The following ANKS1B variants were observed in gnomAD, a reference collection of about 807,000 sequenced individuals.
ANKS1B encodes ankyrin repeat and sterile alpha motif domain-containing protein 1B.
A neutral mutation model predicts 148.3 loss-of-function variants in ANKS1B; 36 were observed. The observed-to-expected ratio is 0.24, with a 90% CI of 0.19 to 0.32. The LOEUF is 0.32. Ranked by LOEUF, ANKS1B falls within the 10% of genes least tolerant of loss-of-function variation. The probability of loss-of-function intolerance (pLI) is 1.00; values close to 1 mark genes in which losing one functional copy is unlikely to be tolerated. For synonymous variants in ANKS1B, 542 were observed against 560.8 expected (o/e 0.97, Z 0.47); for missense variants, 1,157 against 1,542.6 (o/e 0.75, Z 4.19).
chr12:99,350,338 T>C (rs1022524860), intron 12 of ANKS1B, among the ~76,000 whole-genome samples: 4 of 151,944 alleles, frequency 2.6e-5, no homozygotes, highest in Non-Finnish European at 5.9e-5. Flanking sequence ...CAGGCTCAGG[T>C]ATTTTTTTTA....
At chr12:99,024,028 C>T (rs961442581) in intron 17 of ANKS1B, among the ~76,000 whole-genome samples, 8 of 150,876 alleles carry the variant, frequency 5.3e-5, no homozygotes, top group Admixed American at 2.0e-4. Flanking sequence ...CTTGCAGTGC[C>T]GAGAATTGAG....
chr12:99,429,065 T>C (rs759170218), intron 11 of ANKS1B, among the ~76,000 whole-genome samples: 41 of 152,258 alleles, frequency 2.7e-4, no homozygotes, highest in Non-Finnish European at 4.9e-4. Context: ...CACAAGTAAA[T>C]TGAACGTTTT....
intron 12 of ANKS1B, among the ~76,000 whole-genome samples, chr12:99,360,942 G>C (rs962247147): frequency 4.6e-5 from 7 of 152,042 alleles, no homozygotes; most frequent in African/African-American, 1.4e-4. Flanking sequence ...CTAGAAGGAT[G>C]GTTACCAGAG....
intron 4 of ANKS1B, among the ~76,000 whole-genome samples, chr12:99,783,754 A>G (rs2064643256): frequency 6.6e-6 from 1 of 152,034 alleles, no homozygotes; most frequent in Non-Finnish European, 1.5e-5. Context: ...GGATAGGGAG[A>G]GGTTGGTGAT....
chr12:99,367,526 T>C (rs570329093), intron 12 of ANKS1B, among the ~76,000 whole-genome samples: 1 of 152,186 alleles, frequency 6.6e-6, no homozygotes, highest in African/African-American at 2.4e-5. Flanking sequence ...ACCCCACTTC[T>C]ATGAATATTC....
chr12:99,109,240 A>C (rs180787339), intron 15 of ANKS1B, among the ~76,000 whole-genome samples: 41 of 152,152 alleles, frequency 2.7e-4, no homozygotes, highest in Non-Finnish European at 4.0e-4. Flanking sequence ...TTAAATGACA[A>C]AGGAAGTTAA....
chr12:99,015,067 T>C (rs111639279), intron 17 of ANKS1B, among the ~76,000 whole-genome samples: 2,931 of 151,856 alleles, frequency 0.019, 41 homozygotes, highest in Middle Eastern at 0.037. Flanking sequence ...CACGTGCACG[T>C]TGCATGTGTA....
At chr12:99,385,557 G>A (rs573548772) in intron 12 of ANKS1B, among the ~76,000 whole-genome samples, 308 of 152,286 alleles carry the variant, frequency 2.0e-3, no homozygotes, top group African/African-American at 7.2e-3. Context: ...AATGATTCAG[G>A]TTCACTTCAA....
At chr12:99,216,229 C>T (rs957551423) in intron 14 of ANKS1B, among the ~76,000 whole-genome samples, 3 of 152,150 alleles carry the variant, frequency 2.0e-5, no homozygotes, top group Non-Finnish European at 4.4e-5. Context: ...TCCATTAAAC[C>T]TCTTTTTCTT....
chr12:99,061,524 T>C (rs2153560421), intron 16 of ANKS1B, among the ~76,000 whole-genome samples: 1 of 152,366 alleles, frequency 6.6e-6, no homozygotes, highest in South Asian at 2.1e-4. Flanking sequence ...TGAGTAGTAG[T>C]GCTTTGGAGG....
chr12:99,543,586 T>C (rs1179526528), intron 9 of ANKS1B, among the ~76,000 whole-genome samples: 7 of 152,018 alleles, frequency 4.6e-5, no homozygotes, highest in Admixed American at 2.6e-4. Context: ...TGCCTACCAA[T>C]TGATGAATGG....
chr12:98,939,278 C>T (rs1218531600), intron 17 of ANKS1B, among the ~76,000 whole-genome samples: 1 of 152,216 alleles, frequency 6.6e-6, no homozygotes, highest in East Asian at 1.9e-4. Context: ...TAATTTGCAT[C>T]ATGGATATCA....
chr12:98,766,360 G>A (rs1253808303), intron 25 of ANKS1B, among the ~76,000 whole-genome samples: 2 of 152,190 alleles, frequency 1.3e-5, no homozygotes, highest in South Asian at 4.1e-4. Context: ...GCTCCTCTTA[G>A]GAGCTGCGTC....
chr12:99,372,189 G>A (rs1040156770), intron 12 of ANKS1B, among the ~76,000 whole-genome samples: 1 of 152,064 alleles, frequency 6.6e-6, no homozygotes, highest in Non-Finnish European at 1.5e-5. Flanking sequence ...CCACTCTAGT[G>A]GGGGATGTTC....
chr12:99,594,968 T>C (rs546341695), intron 9 of ANKS1B, among the ~76,000 whole-genome samples: 4 of 152,018 alleles, frequency 2.6e-5, no homozygotes, highest in Non-Finnish European at 4.4e-5. Flanking sequence ...TCTAATCTTT[T>C]ACATAAGGTC....
At chr12:99,916,076 TA>T (rs1312415327) in intron 1 of ANKS1B, among the ~76,000 whole-genome samples, 1 of 152,204 alleles carries the variant, frequency 6.6e-6, no homozygotes, top group African/African-American at 2.4e-5. Context: ...GACAAGTAGT[TA>T]ATAAGGTTAA....
intron 9 of ANKS1B, among the ~76,000 whole-genome samples, chr12:99,519,293 A>G (rs1166581976): frequency 6.6e-6 from 1 of 152,084 alleles, no homozygotes; most frequent in Non-Finnish European, 1.5e-5. Flanking sequence ...CTGTTTGAAG[A>G]TCTGTCCAAT....
At chr12:99,250,465 T>C (rs2074435494) in intron 12 of ANKS1B, among the ~76,000 whole-genome samples, 1 of 152,174 alleles carries the variant, frequency 6.6e-6, no homozygotes, top group African/African-American at 2.4e-5. Context: ...TAAAAAGACA[T>C]GGTTAATACA....
chr12:99,543,873 T>C (rs1397309407), intron 9 of ANKS1B, among the ~76,000 whole-genome samples: 1 of 152,080 alleles, frequency 6.6e-6, no homozygotes, highest in Non-Finnish European at 1.5e-5. Context: ...CCGAAGCTAA[T>C]AAGACATGAG....
Sources: allele counts gnomAD v4.1 joint callset (sites outside exome capture counted in the v4.1 genomes callset), GRCh38; gene constraint gnomAD v4.1.1; transcripts MANE v1.5; gene names NCBI Gene and HGNC (gene_info 2026-07-23, HGNC 2026-07-21).